The following THADA variants were observed in gnomAD, a reference collection of about 807,000 sequenced individuals.
THADA encodes tRNA (32-2'-O)-methyltransferase regulator THADA.
A neutral mutation model predicts 219.8 loss-of-function variants in THADA; 213 were observed. The ratio of observed to expected loss-of-function variants is 0.97; its 90% CI spans 0.87 to 1.09. The LOEUF is 1.09. THADA is among the 50% of genes least tolerant of loss of function. THADA has a pLI of 0.00. For missense variants in THADA, 2,956 were observed against 2,311.3 expected, an observed-to-expected ratio of 1.28 and a Z score of -5.72; for synonymous variants, 1,018 against 828.9, an observed-to-expected ratio of 1.23 and a Z score of -3.92.
chr2:43,504,982 T>A (rs1196140503), intron 24 of THADA, among the ~76,000 whole-genome samples: 1 of 152,192 alleles, frequency 6.6e-6, no homozygotes, highest in Non-Finnish European at 1.5e-5. Flanking sequence ...TTATTAATAT[T>A]TACTCCCTAG....
intron 29 of THADA, among the ~76,000 whole-genome samples, chr2:43,378,568 C>G (rs1016134841): frequency 3.3e-5 from 5 of 152,142 alleles, no homozygotes; most frequent in Non-Finnish European, 7.4e-5. Context: ...TGATAGCTGT[C>G]TTATTATAAT....
At chr2:43,531,177 A>G (rs2103749301) in intron 21 of THADA, among the ~76,000 whole-genome samples, 1 of 152,354 alleles carries the variant, frequency 6.6e-6, no homozygotes, top group Non-Finnish European at 1.5e-5. Context: ...TAGAAGCATA[A>G]GTTCCAAAAA....
chr2:43,540,245 A>G (rs929961086), intron 21 of THADA, among the ~76,000 whole-genome samples: 2 of 152,238 alleles, frequency 1.3e-5, no homozygotes, highest in African/African-American at 4.8e-5. Context: ...GAACATAATG[A>G]TGCCTGAAAT....
intron 30 of THADA, among the ~76,000 whole-genome samples, chr2:43,327,951 T>A (rs1679527077): frequency 6.6e-6 from 1 of 152,214 alleles, no homozygotes; most frequent in Non-Finnish European, 1.5e-5. Flanking sequence ...CACATCATTG[T>A]AACAGCTGTC....
At chr2:43,483,767 TTA>T (rs946429974) in intron 26 of THADA, among the ~76,000 whole-genome samples, 1 of 151,222 alleles carries the variant, frequency 6.6e-6, no homozygotes, top group Non-Finnish European at 1.5e-5. Flanking sequence ...GTATATATAT[TTA>T]TATATATATT....
intron 31 of THADA, among the ~76,000 whole-genome samples, chr2:43,319,291 G>A (rs181668396): frequency 2.0e-5 from 3 of 152,102 alleles, no homozygotes; most frequent in African/African-American, 4.8e-5. Flanking sequence ...GTAAAAGGGC[G>A]CACTATTAAT....
intron 7 of THADA, among the ~76,000 whole-genome samples, chr2:43,582,608 C>T (rs751536753): frequency 3.2e-4 from 44 of 137,104 alleles, no homozygotes; most frequent in African/African-American, 3.4e-4. Flanking sequence ...CCCCCTCTGT[C>T]ACCCAGGCTG....
intron 17 of THADA, among the ~76,000 whole-genome samples, chr2:43,554,931 T>A (rs1441169216): frequency 6.6e-6 from 1 of 152,166 alleles, no homozygotes; most frequent in Non-Finnish European, 1.5e-5. Context: ...ACACCCCAAA[T>A]GTGAAAATCC....
chr2:43,486,868 G>A (rs1238661894), intron 25 of THADA, among the ~76,000 whole-genome samples: 2 of 152,166 alleles, frequency 1.3e-5, no homozygotes, highest in African/African-American at 4.8e-5. Flanking sequence ...CACCATGAAA[G>A]CCAAATAAAA....
intron 31 of THADA, among the ~76,000 whole-genome samples, chr2:43,318,426 A>G (rs1678318917): frequency 6.6e-6 from 1 of 152,230 alleles, no homozygotes; most frequent in Non-Finnish European, 1.5e-5. Flanking sequence ...TGTCAAAAAC[A>G]TCATTCCAAC....
chr2:43,490,675 C>T (rs1573911556), intron 25 of THADA, among the ~76,000 whole-genome samples: 1 of 152,132 alleles, frequency 6.6e-6, no homozygotes, highest in East Asian at 1.9e-4. Context: ...TGGTATAGTA[C>T]ACTAACGTAT....
chr2:43,438,005 A>T (rs910704308), intron 26 of THADA, among the ~76,000 whole-genome samples: 1 of 152,190 alleles, frequency 6.6e-6, no homozygotes, highest in Non-Finnish European at 1.5e-5. Context: ...AGGATGCTCA[A>T]CTATACCAAG....
intron 36 of THADA, among the ~76,000 whole-genome samples, chr2:43,266,855 C>T (rs1671583565): frequency 6.6e-6 from 1 of 152,178 alleles, no homozygotes; most frequent in South Asian, 2.1e-4. Flanking sequence ...CGCATAAGCA[C>T]AGTGGTGGAA....
chr2:43,280,477 C>G (rs953605489), intron 35 of THADA, among the ~76,000 whole-genome samples: 18 of 151,988 alleles, frequency 1.2e-4, no homozygotes, highest in Admixed American at 3.9e-4. Context: ...ACTAAAAATA[C>G]AAAAATTAGC....
chr2:43,507,152 C>G (rs1689778588), intron 23 of THADA, among the ~76,000 whole-genome samples: 1 of 152,002 alleles, frequency 6.6e-6, no homozygotes, highest in Admixed American at 6.6e-5. Flanking sequence ...TCTCTTTAAG[C>G]AGATTTTTAA....
chr2:43,507,477 A>C (rs2105092288), intron 23 of THADA, among the ~76,000 whole-genome samples: 1 of 152,294 alleles, frequency 6.6e-6, no homozygotes, highest in East Asian at 1.9e-4. Flanking sequence ...AGAATGAAAC[A>C]CACTGATACA....
intron 26 of THADA, among the ~76,000 whole-genome samples, chr2:43,457,510 A>C (rs1176195235): frequency 6.6e-6 from 1 of 152,196 alleles, no homozygotes; most frequent in Non-Finnish European, 1.5e-5. Flanking sequence ...GCCAGGAAAC[A>C]AGGAGCCTAG....
At chr2:43,532,388 G>A (rs1343009376) in intron 21 of THADA, among the ~76,000 whole-genome samples, 1 of 143,516 alleles carries the variant, frequency 7.0e-6, no homozygotes, top group Non-Finnish European at 1.5e-5. Flanking sequence ...ACTCCAGCCT[G>A]GTCAACAGAG....
intron 10 of THADA, 114 bp downstream of exon 10, chr2:43,576,908 G>T: frequency 1.1e-6 from 1 of 883,928 alleles, no homozygotes; most frequent in Non-Finnish European, 1.8e-6. Context: ...TCTTGCCTCA[G>T]CCTACTGGGA....
Sources: gnomAD v4.1 joint callset for allele counts (sites outside exome capture counted in the v4.1 genomes callset) on GRCh38, gnomAD v4.1.1 for gene constraint, MANE v1.5 for transcripts, NCBI Gene and HGNC (gene_info 2026-07-23, HGNC 2026-07-21) for gene names.